The following NAV1 variants were observed in gnomAD, a reference collection of about 807,000 sequenced individuals.
NAV1 encodes the protein neuron navigator 1, also known as pore membrane and/or filament interacting like protein 3.
Under a neutral mutation model 175.2 loss-of-function variants are expected in NAV1, and 18 were observed. The observed-to-expected ratio is 0.10, with a 90% CI of 0.07 to 0.15. The LOEUF (loss-of-function observed/expected upper bound fraction) is 0.15. Ranked by LOEUF, NAV1 falls within the 10% of genes least tolerant of loss-of-function variation. The pLI, the probability that NAV1 is intolerant of heterozygous loss-of-function variation, is 1.00. For missense variants in NAV1, 1,731 were observed against 2,436.6 expected, an observed-to-expected ratio of 0.71 and a Z score of 6.10; for synonymous variants, 897 against 978.7, an observed-to-expected ratio of 0.92 and a Z score of 1.56.
chr1:201,721,598 A>T (rs1358927640), intron 3 of NAV1, among the ~76,000 whole-genome samples: 4 of 152,200 alleles, frequency 2.6e-5, no homozygotes, highest in Non-Finnish European at 4.4e-5. Context: ...TTTCTTAAAA[A>T]ACTGTTTTTC....
At chr1:201,735,612 C>G (rs1057342543) in intron 3 of NAV1, among the ~76,000 whole-genome samples, 6 of 152,226 alleles carry the variant, frequency 3.9e-5, no homozygotes, top group African/African-American at 1.4e-4. Flanking sequence ...TGTGGCCAAA[C>G]AAGGCCACTC....
chr1:201,813,302 C>A lies in NAV1; in HGVS notation c.5340+44C>A. On this transcript the variant is annotated intron_variant, in intron 28 of 29. Transcript: ENST00000367296. The surrounding 1 kb of genome is among the most constrained non-coding windows in gnomAD (Gnocchi z 4.2). The stretch of plus-strand genomic sequence containing the variant: ...ACTCAAACCCTAAGATCAGGCTGTC[C>A]TACCTAACAAAGTAGGAATGTTTCT... 1 of 1,252,006 alleles carries A rather than the reference C, an allele frequency of 8.0e-7. No individual in the cohort carries two copies. Among genetic ancestry groups the A allele is most frequent in the Non-Finnish European group, 1.2e-6 (1 of 862,222 alleles). The allele number at this position is 1,252,006 out of a possible 1,614,324, so 77.6% of individuals were successfully genotyped here. A position where few individuals can be genotyped will look rare whatever the true frequency, so the allele number is the denominator to read the frequency against.
chr1:201,639,041 C>T (rs769667723), intron 2 of NAV1, among the ~76,000 whole-genome samples: 2 of 152,142 alleles, frequency 1.3e-5, no homozygotes, highest in Admixed American at 6.5e-5. Context: ...CATAAGGCCT[C>T]CTGGAGGAGG....
Position 201,811,593 on chromosome 1 carries a change from T to C in NAV1, c.4798-10T>C, listed in dbSNP as rs745476724. The C allele has an allele frequency of 1.4e-5, 22 of 1,614,102 alleles. No individual in the cohort carries two copies. The South Asian group carries it at 2.3e-4, about 17-fold the overall frequency. On this transcript the variant is annotated splice_polypyrimidine_tract_variant and intron_variant, in intron 24 of 29. Transcript: ENST00000367296. ...CCCAAGTGCTGACCCACAGCCTTCTTTTATTCCAGGATCTGCAACTGTATC... is the reference window on the plus strand; with the variant it reads ...CCCAAGTGCTGACCCACAGCCTTCTCTTATTCCAGGATCTGCAACTGTATC...
intron 3 of NAV1, among the ~76,000 whole-genome samples, chr1:201,742,069 G>T (rs1162846967): frequency 6.6e-6 from 1 of 152,190 alleles, no homozygotes; most frequent in African/African-American, 2.4e-5. Context: ...CTATTGGTAG[G>T]CAAGGAGACA....
upstream of NAV1, among the ~76,000 whole-genome samples, chr1:201,647,959 G>T (rs534558169): frequency 6.7e-6 from 1 of 149,444 alleles, no homozygotes; most frequent in Admixed American, 6.6e-5. Flanking sequence ...AACCCGCCCC[G>T]CTTCTACGCG....
chr1:201,748,980 T>C (rs1200101291), intron 3 of NAV1, among the ~76,000 whole-genome samples: 5 of 152,026 alleles, frequency 3.3e-5, no homozygotes, highest in Admixed American at 6.5e-5. Flanking sequence ...AAACCCAATC[T>C]CTACTAAAAA....
rs1386715383 is a variant in NAV1, at chr1:201,705,165, A to G, written c.758-7652A>G. On this transcript the variant is annotated intron_variant, in intron 1 of 29. Transcript: ENST00000367296. Reference sequence around the variant, plus strand: ...TCCACCCGGCATGCCCTGCTTTACGATTCCTCTTAGCCCAGTGCCCAGTGG... The same window carrying G: ...TCCACCCGGCATGCCCTGCTTTACGGTTCCTCTTAGCCCAGTGCCCAGTGG... Among the ~76,000 whole-genome samples the G allele has an allele frequency of 3.9e-5, 6 of 151,906 alleles. No homozygotes were observed. The East Asian group carries it at 1.2e-3, about 29-fold the overall frequency.
At chr1:201,744,507 T>A (rs1242859163) in intron 3 of NAV1, among the ~76,000 whole-genome samples, 1 of 152,112 alleles carries the variant, frequency 6.6e-6, no homozygotes, top group African/African-American at 2.4e-5. Context: ...TGTTAGCCAA[T>A]ACTTTAAATA....
intron 3 of NAV1, chr1:201,739,940 TCGGGTGTCCC>T (rs1673295009): frequency 7.3e-7 from 1 of 1,366,984 alleles, no homozygotes; most frequent in African/African-American, 1.5e-5. Context: ...TCATACCTTT[TCGGGTGTCCC>T]CGGGTGTCAG....
At chr1:201,784,472 C>A (rs1008758826) in intron 7 of NAV1, among the ~76,000 whole-genome samples, 1 of 151,982 alleles carries the variant, frequency 6.6e-6, no homozygotes, top group Admixed American at 6.6e-5. Flanking sequence ...AGAATCTTTT[C>A]TTTTATATCA....
At chr1:201,552,728 A>G (rs1571816969) in intron 1 of NAV1, among the ~76,000 whole-genome samples, 3 of 152,186 alleles carry the variant, frequency 2.0e-5, no homozygotes, top group African/African-American at 7.2e-5. Flanking sequence ...CTGCACCCCC[A>G]TGTATAAAAT....
intron 1 of NAV1, among the ~76,000 whole-genome samples, chr1:201,626,795 G>A (rs1230225729): frequency 6.6e-6 from 1 of 152,200 alleles, no homozygotes; most frequent in African/African-American, 2.4e-5. Context: ...GGTTACTGGT[G>A]TCACTACTGC....
chr1:201,753,697 C>A (rs1171391076), intron 3 of NAV1, among the ~76,000 whole-genome samples: 1 of 152,194 alleles, frequency 6.6e-6, no homozygotes, highest in Non-Finnish European at 1.5e-5. Context: ...TACACACAAA[C>A]AATTCCACAG....
intron 2 of NAV1, among the ~76,000 whole-genome samples, chr1:201,617,569 T>TA (rs1463051476): frequency 6.6e-6 from 1 of 152,032 alleles, no homozygotes; most frequent in Non-Finnish European, 1.5e-5. Flanking sequence ...CTACTAAAAA[T>TA]AAAAAAATTA....
intron 1 of NAV1, among the ~76,000 whole-genome samples, chr1:201,546,484 C>T (rs994305712): frequency 2.0e-5 from 3 of 152,070 alleles, no homozygotes; most frequent in South Asian, 2.1e-4. Flanking sequence ...TTTTGAAAAC[C>T]GTCAGATAAG....
Position 201,787,993 on chromosome 1 carries a change from G to A in NAV1, c.2996-475G>A, listed in dbSNP as rs1472972791. Among the ~76,000 whole-genome samples the A allele has an allele frequency of 5.9e-5, 9 of 152,172 alleles. No homozygotes were observed. The highest frequency in any genetic ancestry group is 2.1e-4 in the South Asian group (1 of 4,826). On this transcript the variant is annotated intron_variant, in intron 9 of 29. Transcript: ENST00000367296. This position sits in a 1 kb window ranked among gnomAD's most constrained non-coding sequence, Gnocchi z 4.3. ...CGCCCTTCCACAATGCCAGGGCAACGGGATCCCGTAGCCCAGCCCCCTTCT... is the reference window on the plus strand; with the variant it reads ...CGCCCTTCCACAATGCCAGGGCAACAGGATCCCGTAGCCCAGCCCCCTTCT...
At position 201,799,816 on chromosome 1, in the gene NAV1, C is replaced by T. The variant is rs901604892; in HGVS notation, c.3518-3777C>T. On this transcript the variant is annotated intron_variant, in intron 15 of 29. Transcript: ENST00000367296. ...CAGAGGTTGCAGTGAGGCGAGATCG[C>T]GCCATTACACTCCAGCCTGGGCAAC... Among the ~76,000 whole-genome samples, 6 of 149,972 alleles carry T rather than the reference C, an allele frequency of 4.0e-5. No homozygotes were observed. In the South Asian group the frequency reaches 6.3e-4, roughly 16 times the overall value.
At chr1:201,594,218 A>G (rs1571837219) in intron 2 of NAV1, among the ~76,000 whole-genome samples, 1 of 152,268 alleles carries the variant, frequency 6.6e-6, no homozygotes, top group Admixed American at 6.5e-5. Flanking sequence ...TTTGGGCCCA[A>G]GCAACCCCTA....
Sources: allele counts gnomAD v4.1 joint callset (sites outside exome capture counted in the v4.1 genomes callset), GRCh38; gene constraint gnomAD v4.1.1; non-coding constraint Gnocchi (gnomAD v3.1); transcripts MANE v1.5; gene names NCBI Gene and HGNC (gene_info 2026-07-23, HGNC 2026-07-21).